The following VMA21 variants were observed in gnomAD, a reference collection of about 807,000 sequenced individuals.
VMA21 encodes the protein vacuolar ATPase assembly factor VMA21, also known as vacuolar ATPase assembly integral membrane protein VMA21.
For synonymous variants in VMA21, 47 were observed against 34.1 expected, an observed-to-expected ratio of 1.38 and a Z score of -1.32; for missense variants, 61 against 80.6, an observed-to-expected ratio of 0.76 and a Z score of 0.93.
upstream of VMA21, chrX:151,396,838 A>C (rs774482721): frequency 9.9e-5 from 51 of 515,899 alleles, no homozygotes; most frequent in Admixed American, 1.6e-4. Context: ...TTCGCGGCTC[A>C]TATGCTCGGG....
chrX:151,398,181 G>GTTT (rs34263160), intron 1 of VMA21, among the ~76,000 whole-genome samples: 1 of 89,010 alleles, frequency 1.1e-5, no homozygotes, highest in African/African-American at 4.2e-5. Context: ...GTCATTGTGA[G>GTTT]TTTTTTTTTT....
Position 151,403,715 on chromosome X carries a change from C to T in VMA21, c.138C>T (p.Phe46=). The T allele has an allele frequency of 8.3e-7, 1 of 1,202,947 alleles. No homozygotes were observed. Among genetic ancestry groups the T allele is most frequent in the Non-Finnish European group, 1.1e-6 (1 of 887,509 alleles). The change falls in exon 2 of 3, where the codon TTC becomes TTT. Residue 46 remains phenylalanine, a synonymous_variant. Transcript: ENST00000330374. ...TCACTGTTCCTATTGGGTTATATTT[C>T]ACAACTAAATCTTACATATTTGAAG... is the stretch of plus-strand genomic sequence containing the variant. The part of the protein sequence containing the change: ...LMITVPIGLY[F]TTKSYIFEGA...
rs1415147004 is a variant in VMA21 at position 151,402,645 on chromosome X, T to A, written c.54-986T>A. Among the ~76,000 whole-genome samples the A allele has an allele frequency of 3.5e-5, 4 of 112,898 alleles. No homozygotes were observed. The East Asian group carries it at 1.1e-3, about 32-fold the overall frequency. On this transcript the variant is annotated intron_variant, in intron 1 of 2. Transcript: ENST00000330374. ...TTTGGAAGTATTCCCTCTAGCTCGA[T>A]TTTTCACCCATAACAGAAGTTCCTA... is the stretch of plus-strand genomic sequence containing the variant.
upstream of VMA21, chrX:151,396,925 G>C (rs1209382840): frequency 1.9e-6 from 1 of 524,218 alleles, no homozygotes; most frequent in Non-Finnish European, 3.5e-6. Flanking sequence ...GGGCGGCGTA[G>C]CCGCCGCCCG....
intron 1 of VMA21, 135 bp from the exon 2 acceptor site, chrX:151,403,496 C>T (rs1298351602): frequency 3.1e-5 from 17 of 547,816 alleles, no homozygotes; most frequent in Admixed American, 1.7e-4. Context: ...CTAGGATCTT[C>T]GGATTACGAG....
At chrX:151,398,051 G>C (rs1216708926) in intron 1 of VMA21, among the ~76,000 whole-genome samples, 2 of 110,723 alleles carry the variant, frequency 1.8e-5, no homozygotes, top group Non-Finnish European at 3.8e-5. Flanking sequence ...AACTGAGGGT[G>C]AGTGATTACA....
upstream of VMA21, chrX:151,397,185 G>C (rs749680644): frequency 5.2e-6 from 4 of 774,773 alleles, no homozygotes; most frequent in African/African-American, 4.5e-5. Flanking sequence ...GCGCGAACGG[G>C]CACTTCCGGC....
chrX:151,400,307 G>A (rs760276038), intron 1 of VMA21, among the ~76,000 whole-genome samples: 2 of 86,125 alleles, frequency 2.3e-5, no homozygotes, highest in South Asian at 1.2e-3. Context: ...GTGAGCTCAT[G>A]TAGTATTCGT....
chrX:151,400,263 C>CTT (rs761763555), intron 1 of VMA21, among the ~76,000 whole-genome samples: 6 of 96,163 alleles, frequency 6.2e-5, no homozygotes, highest in Non-Finnish European at 1.0e-4. Context: ...GACCGTTGAC[C>CTT]TTTTTTTTTT....
chrX:151,405,116 G>C lies in VMA21; in HGVS notation c.*58G>C. ...ATTTTTTAAAATGATAAATGCTGGA[G>C]GGGGCCATCTGATTTGAATAAAGTT... On this transcript the variant is annotated 3_prime_UTR_variant, in exon 3 of 3. Transcript: ENST00000330374. 8.6e-7 allele frequency: 1 copy of C among 1,162,324 alleles called. No homozygotes were observed. Among genetic ancestry groups the C allele is most frequent in the East Asian group, 3.0e-5 (1 of 33,390 alleles).
In VMA21 at chrX:151,408,985, A is replaced by T. The variant is rs2011324656; in HGVS notation, c.*3927A>T. The T allele has an allele frequency of 8.9e-6, 1 of 112,941 alleles. No homozygotes were observed. Among genetic ancestry groups the T allele is most frequent in the Non-Finnish European group, 1.9e-5 (1 of 53,355 alleles). The allele number at this position is 112,941 out of a possible 1,213,427, so 9.3% of individuals were successfully genotyped here. A position where few individuals can be genotyped will look rare whatever the true frequency, so the allele number is the denominator to read the frequency against. ...ACAGTAATAATAGCAATAGCTAACA[A>T]CATCTGCACAGCACCTTACAGTTTG... On this transcript the variant is annotated 3_prime_UTR_variant, in exon 3 of 3. Transcript: ENST00000330374.
chrX:151,397,118 GCGCCGC>G (rs2011198070), upstream of VMA21: 1 of 336,102 alleles, frequency 3.0e-6, no homozygotes, highest in African/African-American at 2.9e-5. Context: ...GCGGCGCGCC[GCGCCGC>G]GCCGCGCCTG....
intron 2 of VMA21, among the ~76,000 whole-genome samples, chrX:151,404,277 G>T (rs925622205): frequency 8.9e-6 from 1 of 112,279 alleles, no homozygotes; most frequent in African/African-American, 3.2e-5. Flanking sequence ...GTTTCGCCAT[G>T]TTGGCCAGGC....
intron 1 of VMA21, among the ~76,000 whole-genome samples, chrX:151,402,084 C>G (rs2011241288): frequency 9.0e-6 from 1 of 110,606 alleles, no homozygotes; most frequent in African/African-American, 3.3e-5. Flanking sequence ...AGATTGTTTT[C>G]TTGATTTCTT....
At chrX:151,396,754 C>A, upstream of VMA21, 2 of 441,029 alleles carry the variant, frequency 4.5e-6, no homozygotes, top group South Asian at 3.3e-5. Context: ...ATAATGCGCA[C>A]TGCTTTTTTG....
At chrX:151,396,926 C>A, upstream of VMA21, 1 of 524,339 alleles carries the variant, frequency 1.9e-6, no homozygotes, top group Non-Finnish European at 3.5e-6. Flanking sequence ...GGCGGCGTAG[C>A]CGCCGCCCGC....
intron 1 of VMA21, among the ~76,000 whole-genome samples, chrX:151,402,417 A>T (rs1053801402): frequency 9.0e-6 from 1 of 110,948 alleles, no homozygotes; most frequent in African/African-American, 3.3e-5. Context: ...CCTGGCCTCA[A>T]GTGATCCGCC....
At chrX:151,398,184 T>TG (rs368996209) in intron 1 of VMA21, among the ~76,000 whole-genome samples, 1 of 107,490 alleles carries the variant, frequency 9.3e-6, no homozygotes, top group African/African-American at 3.4e-5. Flanking sequence ...ATTGTGAGTT[T>TG]TTTTTTTTTT....
rs765120199 is a variant in VMA21 at position 151,397,323 on chromosome X, T to G, written c.15T>G (p.Asp5Glu). The G allele has an allele frequency of 4.3e-4, 504 of 1,161,102 alleles. 1 individual carries two copies. Among genetic ancestry groups the G allele is most frequent in the South Asian group, 1.9e-3 (102 of 52,602 alleles). ...ACGGCTACACCATGGAGCGCCCGGA[T>G]AAGGCGGCGCTGAACGCACTGCAGC... MERP[D>E]KAALNALQPP... is the part of the protein sequence containing the mutation. The change falls in exon 1 of 3, where the codon GAT becomes GAG. Residue 5 changes from aspartate (D) to glutamate (E), a missense_variant. Coordinates refer to ENST00000330374, the MANE Select transcript of VMA21 (RefSeq NM_001017980.4).
Sources: allele counts gnomAD v4.1 joint callset (sites outside exome capture counted in the v4.1 genomes callset), GRCh38; gene constraint gnomAD v4.1.1; transcripts MANE v1.5; gene names NCBI Gene and HGNC (gene_info 2026-07-23, HGNC 2026-07-21).